RBFOX1: variants seen among roughly 807,000 people sequenced by gnomAD.
RBFOX1 encodes the protein RNA binding fox-1 homolog 1.
Under a neutral mutation model 57.7 loss-of-function variants are expected in RBFOX1, and 8 were observed. That is an observed-to-expected ratio of 0.14 (90% CI 0.08 to 0.25). The LOEUF (loss-of-function observed/expected upper bound fraction) is 0.25. Ranked by LOEUF, RBFOX1 falls within the 10% of genes least tolerant of loss-of-function variation. The pLI is 1.00. For synonymous variants in RBFOX1, 326 were observed against 222.4 expected (o/e 1.47, Z -4.15); for missense variants, 611 against 548.5 (o/e 1.11, Z -1.14).
intron 3 of RBFOX1, among the ~76,000 whole-genome samples, chr16:6,655,696 A>G (rs959607062): frequency 3.9e-5 from 6 of 152,160 alleles, no homozygotes; most frequent in Non-Finnish European, 7.3e-5. Flanking sequence ...CTTGGATCCA[A>G]AGAGGTCAAA....
chr16:5,655,514 A>T (rs1009952042), intron 3 of RBFOX1, among the ~76,000 whole-genome samples: 11 of 152,210 alleles, frequency 7.2e-5, no homozygotes, highest in African/African-American at 9.6e-5. Context: ...AGGTTCAGCG[A>T]TGAATGGTGC....
At chr16:7,002,297 T>C (rs540771147) in intron 3 of RBFOX1, among the ~76,000 whole-genome samples, 1 of 152,366 alleles carries the variant, frequency 6.6e-6, no homozygotes, top group African/African-American at 2.4e-5. Context: ...TGTGAGCCAG[T>C]GCATTTTCTT....
At chr16:6,515,373 G>A (rs757634367) in intron 2 of RBFOX1, among the ~76,000 whole-genome samples, 1 of 152,186 alleles carries the variant, frequency 6.6e-6, no homozygotes, top group African/African-American at 2.4e-5. Flanking sequence ...GAAGTTCCCA[G>A]TTGAGCATTA....
chr16:6,317,083 C>A, intron 2 of RBFOX1, 26 bp downstream of exon 2: 1 of 1,516,904 alleles, frequency 6.6e-7, no homozygotes, highest in South Asian at 1.2e-5. Context: ...TTTGAACATT[C>A]ATTCCATAAA....
At chr16:5,407,417 A>G (rs1480753407) in intron 1 of RBFOX1, among the ~76,000 whole-genome samples, 1 of 152,166 alleles carries the variant, frequency 6.6e-6, no homozygotes, top group Non-Finnish European at 1.5e-5. Flanking sequence ...GGGAAAAACA[A>G]GAGCAGAGGC....
chr16:7,033,712 G>A (rs1320484045), intron 3 of RBFOX1, among the ~76,000 whole-genome samples: 1 of 152,108 alleles, frequency 6.6e-6, no homozygotes, highest in Non-Finnish European at 1.5e-5. Context: ...AAGACATTTT[G>A]TCCGGGCGTG....
At chr16:5,916,712 G>A (rs1006151697) in intron 4 of RBFOX1, among the ~76,000 whole-genome samples, 2 of 152,070 alleles carry the variant, frequency 1.3e-5, no homozygotes, top group African/African-American at 2.4e-5. Flanking sequence ...GAAAGCTGCC[G>A]GGTCAGCACC....
intron 4 of RBFOX1, among the ~76,000 whole-genome samples, chr16:7,197,629 G>T (rs1478702621): frequency 6.6e-6 from 1 of 152,100 alleles, no homozygotes; most frequent in Non-Finnish European, 1.5e-5. Context: ...GTACAGAAAT[G>T]TTCATCACAG....
intron 4 of RBFOX1, among the ~76,000 whole-genome samples, chr16:5,952,444 C>T (rs1466516072): frequency 6.6e-6 from 1 of 152,070 alleles, no homozygotes; most frequent in Admixed American, 6.6e-5. Context: ...TGCCACCATG[C>T]CCAGCTAATT....
chr16:6,876,754 T>C (rs12930307), intron 3 of RBFOX1, among the ~76,000 whole-genome samples: 38,429 of 152,004 alleles, frequency 0.25, 5,109 homozygotes, highest in African/African-American at 0.32. Flanking sequence ...GTAATTTGTG[T>C]GCTTTTTCTT....
chr16:6,794,682 A>T (rs961812469), intron 3 of RBFOX1, among the ~76,000 whole-genome samples: 1 of 152,162 alleles, frequency 6.6e-6, no homozygotes, highest in Non-Finnish European at 1.5e-5. Flanking sequence ...TATGGTTCCA[A>T]TGTATGCATC....
chr16:7,154,848 G>A (rs2076776813), intron 4 of RBFOX1, among the ~76,000 whole-genome samples: 1 of 152,068 alleles, frequency 6.6e-6, no homozygotes, highest in Non-Finnish European at 1.5e-5. Flanking sequence ...TATGAAGTTT[G>A]AAGTTTGTAT....
rs117886286 is a variant in RBFOX1 at position 7,367,250 on chromosome 16, T to C, written c.28-150897T>C. Among the ~76,000 whole-genome samples the C allele has an allele frequency of 1.0e-3, 156 of 152,250 alleles. 1 individual carries two copies. The highest frequency in any genetic ancestry group is 1.8e-3 in the Non-Finnish European group (120 of 68,032). Reference sequence around the variant, plus strand: ...GACGAGACTGTAAATCAGCACAAAGTGTGCATTTGAGAGTTGCTGTTTTGA... The same window carrying C: ...GACGAGACTGTAAATCAGCACAAAGCGTGCATTTGAGAGTTGCTGTTTTGA... On this transcript the variant is annotated intron_variant, in intron 4 of 15. Coordinates refer to ENST00000550418, the MANE Select transcript of RBFOX1 (RefSeq NM_018723.4).
intron 1 of RBFOX1, among the ~76,000 whole-genome samples, chr16:5,458,726 C>A (rs1207272948): frequency 1.3e-5 from 2 of 152,188 alleles, no homozygotes; most frequent in African/African-American, 4.8e-5. Flanking sequence ...GTATTCCTAA[C>A]AACAGGAGAA....
intron 3 of RBFOX1, among the ~76,000 whole-genome samples, chr16:6,745,025 A>G (rs2073239684): frequency 6.6e-6 from 1 of 152,058 alleles, no homozygotes; most frequent in Non-Finnish European, 1.5e-5. Flanking sequence ...TATAGGTATT[A>G]AAAGAAAAAT....
chr16:5,861,242 T>C (rs2057205465), intron 3 of RBFOX1, among the ~76,000 whole-genome samples: 1 of 152,168 alleles, frequency 6.6e-6, no homozygotes, highest in African/African-American at 2.4e-5. Context: ...ACCAGAACCA[T>C]CTTCTCCCCT....
chr16:6,503,396 A>T (rs1372997771), intron 2 of RBFOX1, among the ~76,000 whole-genome samples: 1 of 152,162 alleles, frequency 6.6e-6, no homozygotes, highest in Non-Finnish European at 1.5e-5. Flanking sequence ...GTAACAAACA[A>T]TTCCAATATT....
chr16:7,677,154 C>G (rs573020641), intron 14 of RBFOX1, among the ~76,000 whole-genome samples: 13 of 151,778 alleles, frequency 8.6e-5, no homozygotes, highest in Non-Finnish European at 1.9e-4. Flanking sequence ...CACACACACA[C>G]ACACACCGTA....
intron 2 of RBFOX1, among the ~76,000 whole-genome samples, chr16:6,334,861 C>A (rs2083441408): frequency 6.6e-6 from 1 of 152,158 alleles, no homozygotes; most frequent in Non-Finnish European, 1.5e-5. Context: ...AGAAACTTTT[C>A]CCCTGTGGTC....
Sources: gnomAD v4.1 joint callset for allele counts (sites outside exome capture counted in the v4.1 genomes callset) on GRCh38, gnomAD v4.1.1 for gene constraint, MANE v1.5 for transcripts, NCBI Gene and HGNC (gene_info 2026-07-23, HGNC 2026-07-21) for gene names.